KSR1: variants seen among roughly 807,000 people sequenced by gnomAD.
The protein encoded by KSR1 is kinase suppressor of ras 1.
Under a neutral mutation model 92.9 loss-of-function variants are expected in KSR1, and 35 were observed. That is an observed-to-expected ratio of 0.38 (90% CI 0.29 to 0.50). The LOEUF is 0.50. KSR1 is among the 20% of genes least tolerant of loss of function. The probability of loss-of-function intolerance (pLI) is 0.94; values close to 1 mark genes in which losing one functional copy is unlikely to be tolerated. For synonymous variants in KSR1, 467 were observed against 472.6 expected, an observed-to-expected ratio of 0.99 and a Z score of 0.15; for missense variants, 972 against 1,158.5, an observed-to-expected ratio of 0.84 and a Z score of 2.34.
chr17:27,528,677 T>A (rs1052766959), intron 1 of KSR1, among the ~76,000 whole-genome samples: 2 of 152,150 alleles, frequency 1.3e-5, no homozygotes, highest in Non-Finnish European at 2.9e-5. Flanking sequence ...GAAAGGAGGA[T>A]CTCTTGAGCC....
At position 27,577,451 on chromosome 17, in the gene KSR1, G is replaced by GCAGCTGGCCCCTGCC. The variant is rs2072554380; in HGVS notation, c.373-41_373-40insCAGCTGGCCCCTGCC. The GCAGCTGGCCCCTGCC allele has an allele frequency of 7.7e-7, 1 of 1,292,724 alleles. No individual in the cohort carries two copies. The highest frequency in any genetic ancestry group is 1.5e-5 in the African/African-American group (1 of 68,008). 80.1% of individuals were successfully genotyped at this position (1,292,724 alleles called of 1,614,324 possible). A position where few individuals can be genotyped will look rare whatever the true frequency, so the allele number is the denominator to read the frequency against. On this transcript the variant is annotated intron_variant, in intron 2 of 20. Transcript: ENST00000644974. The surrounding 1 kb of genome is among the most constrained non-coding windows in gnomAD (Gnocchi z 4.5). Reference sequence around the variant, plus strand: ...AGGCTGAGGGGCTCCCGGCCCAGCCGACTGCTCACCGCCTCTCTGCCTGTC... The same window carrying GCAGCTGGCCCCTGCC: ...AGGCTGAGGGGCTCCCGGCCCAGCCGCAGCTGGCCCCTGCCACTGCTCACCGCCTCTCTGCCTGTC...
At chr17:27,488,224 T>C (rs1360481813) in intron 1 of KSR1, among the ~76,000 whole-genome samples, 1 of 152,254 alleles carries the variant, frequency 6.6e-6, no homozygotes, top group African/African-American at 2.4e-5. Context: ...AACACCCATG[T>C]ACCCACAACT....
chr17:27,503,046 G>A (rs931956238), intron 1 of KSR1, among the ~76,000 whole-genome samples: 14 of 152,218 alleles, frequency 9.2e-5, no homozygotes, highest in African/African-American at 2.7e-4. Flanking sequence ...TCCTCACAAC[G>A]ACCCTTTGAG....
Position 27,626,402 on chromosome 17 carries a change from G to A in KSR1, c.*3010G>A, listed in dbSNP as rs1414537459. 6.6e-6 allele frequency: 1 copy of A among 152,290 alleles called. No individual in the cohort carries two copies. Among genetic ancestry groups the A allele is most frequent in the Non-Finnish European group, 1.5e-5 (1 of 68,072 alleles). The allele number at this position is 152,290 out of a possible 1,614,324, so 9.4% of individuals were successfully genotyped here. On this transcript the variant is annotated 3_prime_UTR_variant, in exon 21 of 21. Coordinates refer to ENST00000644974, the MANE Select transcript of KSR1 (RefSeq NM_001394583.1). ...CCTCTGTGCTAAGCCAGGCCTGGGT[G>A]TCTGGAGTTTGTGAATAAAGTTATA...
At chr17:27,558,460 A>G (rs2071694153) in intron 2 of KSR1, among the ~76,000 whole-genome samples, 1 of 152,096 alleles carries the variant, frequency 6.6e-6, no homozygotes, top group Admixed American at 6.5e-5. Context: ...ACCTGCTCAC[A>G]TACATGCGCA....
intron 1 of KSR1, among the ~76,000 whole-genome samples, chr17:27,531,807 A>G (rs114364520): frequency 0.014 from 2,177 of 152,224 alleles, 50 homozygotes; most frequent in African/African-American, 0.049. Context: ...TCTCTCTTTC[A>G]TCTCCACTTG....
intron 1 of KSR1, among the ~76,000 whole-genome samples, chr17:27,549,114 A>C (rs1261806266): frequency 1.3e-5 from 2 of 152,198 alleles, no homozygotes; most frequent in East Asian, 3.8e-4. Flanking sequence ...GAAATGCACA[A>C]CCTATATTTA....
intron 1 of KSR1, among the ~76,000 whole-genome samples, chr17:27,544,214 C>G (rs1332107293): frequency 6.6e-6 from 1 of 152,182 alleles, no homozygotes; most frequent in Admixed American, 6.5e-5. Flanking sequence ...GGAGTGGTGT[C>G]AAGGGACTTT....
At chr17:27,512,278 A>T (rs76022631) in intron 1 of KSR1, among the ~76,000 whole-genome samples, 1,555 of 152,320 alleles carry the variant, frequency 0.01, 11 homozygotes, top group Non-Finnish European at 0.014. Flanking sequence ...AATAGAGATG[A>T]ATATACTCGA....
At chr17:27,477,400 T>G (rs2068378276) in intron 1 of KSR1, among the ~76,000 whole-genome samples, 1 of 152,210 alleles carries the variant, frequency 6.6e-6, no homozygotes, top group African/African-American at 2.4e-5. Flanking sequence ...CACCAGAGTT[T>G]CGTTCTTACC....
chr17:27,596,949 C>T (rs1417436830), intron 9 of KSR1, among the ~76,000 whole-genome samples: 1 of 152,174 alleles, frequency 6.6e-6, no homozygotes, highest in African/African-American at 2.4e-5. Flanking sequence ...AGACACGGTG[C>T]CCTGATGAAA....
At chr17:27,574,579 A>G (rs1456574220) in intron 2 of KSR1, among the ~76,000 whole-genome samples, 1 of 152,212 alleles carries the variant, frequency 6.6e-6, no homozygotes, top group Admixed American at 6.5e-5. Context: ...ACAGAAAGGC[A>G]GGCATCTAGC....
At chr17:27,599,054 C>T (rs924514091) in intron 10 of KSR1, among the ~76,000 whole-genome samples, 1 of 152,238 alleles carries the variant, frequency 6.6e-6, no homozygotes, top group African/African-American at 2.4e-5. Flanking sequence ...TTCATTGTTA[C>T]GTGAGCATCA....
Position 27,526,271 on chromosome 17 carries a change from T to A in KSR1, c.232-24297T>A, listed in dbSNP as rs2070294076. ...CTGAAGGAATTCTTAAGTTAGTGACTACTACCACTCAAATTTTCCTAGTTG... is the reference window on the plus strand; with the variant it reads ...CTGAAGGAATTCTTAAGTTAGTGACAACTACCACTCAAATTTTCCTAGTTG... On this transcript the variant is annotated intron_variant, in intron 1 of 20. Coordinates refer to ENST00000644974, the MANE Select transcript of KSR1 (RefSeq NM_001394583.1). 1.8e-5 allele frequency: 12 copies of A among 668,390 alleles called. 1 individual carries two copies. The South Asian group carries it at 2.4e-4, about 13-fold the overall frequency. 41.4% of individuals were successfully genotyped at this position (668,390 alleles called of 1,614,324 possible).
chr17:27,525,992 C>CTT (rs1555576235), intron 1 of KSR1, among the ~76,000 whole-genome samples: 1 of 35,640 alleles, frequency 2.8e-5, no homozygotes, highest in Non-Finnish European at 5.2e-5. Flanking sequence ...CTGCAACTAA[C>CTT]TTTTCTTTTC....
intron 1 of KSR1, chr17:27,465,656 T>C (rs2019662129): frequency 6.6e-6 from 1 of 152,208 alleles, no homozygotes; most frequent in Admixed American, 6.5e-5. Flanking sequence ...GCATTATCTA[T>C]AGATTTGTAT....
At position 27,524,703 on chromosome 17, in the gene KSR1, C is replaced by A. The variant is rs116244877; in HGVS notation, c.232-25865C>A. ...AGCTGCTAAGCCAGAGGAAGTAGGT[C>A]AAAACCTAAAACTTTGGATGTCCCC... is the stretch of plus-strand genomic sequence containing the variant. On this transcript the variant is annotated intron_variant, in intron 1 of 20. Coordinates refer to ENST00000644974, the MANE Select transcript of KSR1 (RefSeq NM_001394583.1). Among the ~76,000 whole-genome samples, 1,102 of 152,308 alleles carry A rather than the reference C, an allele frequency of 7.2e-3. 11 individuals carry two copies. Among genetic ancestry groups the A allele is most frequent in the African/African-American group, 0.025 (1,060 of 41,572 alleles).
chr17:27,467,234 G>A (rs140995881), intron 1 of KSR1, among the ~76,000 whole-genome samples: 31 of 152,268 alleles, frequency 2.0e-4, no homozygotes, highest in South Asian at 4.1e-4. Context: ...TCCTCTCTCC[G>A]TCCAGCTGGA....
At chr17:27,538,132 A>G (rs1365792070) in intron 1 of KSR1, among the ~76,000 whole-genome samples, 2 of 152,234 alleles carry the variant, frequency 1.3e-5, no homozygotes, top group African/African-American at 4.8e-5. Context: ...GGAAGCCAGC[A>G]GGAAGCCTCA....
Sources: gnomAD v4.1 joint callset for allele counts (sites outside exome capture counted in the v4.1 genomes callset) on GRCh38, gnomAD v4.1.1 for gene constraint, Gnocchi (gnomAD v3.1) non-coding constraint, MANE v1.5 for transcripts, NCBI Gene and HGNC (gene_info 2026-07-23, HGNC 2026-07-21) for gene names.